The following NALF1 variants were observed in gnomAD, a reference collection of about 807,000 sequenced individuals.
NALF1 encodes the protein NALCN channel auxiliary factor 1.
NALF1 carries 3 observed loss-of-function variants against 48.4 expected under a neutral mutation model. The ratio of observed to expected loss-of-function variants is 0.06; its 90% CI spans 0.03 to 0.16. The LOEUF is 0.16. Ranked by LOEUF, NALF1 falls within the 10% of genes least tolerant of loss-of-function variation. NALF1 has a pLI of 1.00. For missense variants in NALF1, 526 were observed against 571.5 expected (o/e 0.92, Z 0.81); for synonymous variants, 262 against 245.7 (o/e 1.07, Z -0.62).
chr13:107,413,988 T>A (rs35757180), intron 1 of NALF1, among the ~76,000 whole-genome samples: 4 of 151,970 alleles, frequency 2.6e-5, no homozygotes, highest in African/African-American at 4.8e-5. Context: ...GGTTTCACCA[T>A]GTTGGCCAGG....
chr13:107,333,131 C>G (rs1463397464), intron 1 of NALF1, among the ~76,000 whole-genome samples: 1 of 152,168 alleles, frequency 6.6e-6, no homozygotes, highest in Non-Finnish European at 1.5e-5. Flanking sequence ...CAGGAGTAAG[C>G]CACTGTGCCC....
intron 1 of NALF1, among the ~76,000 whole-genome samples, chr13:107,389,539 G>T (rs1011661710): frequency 6.6e-6 from 1 of 152,052 alleles, no homozygotes; most frequent in Admixed American, 6.5e-5. Flanking sequence ...CAAATTTCTG[G>T]CCTCCAGAAA....
chr13:107,245,973 C>T (rs55889639), intron 1 of NALF1, among the ~76,000 whole-genome samples: 50,823 of 151,704 alleles, frequency 0.34, 8,765 homozygotes, highest in East Asian at 0.52. Flanking sequence ...GATAAGAGTA[C>T]ACTACCTTTC....
intron 1 of NALF1, among the ~76,000 whole-genome samples, chr13:107,353,950 T>A (rs1296006209): frequency 1.3e-5 from 2 of 152,196 alleles, no homozygotes; most frequent in Non-Finnish European, 2.9e-5. Flanking sequence ...TAATTCTAAA[T>A]GCTGAACATT....
chr13:107,548,919 T>C (rs1032179733), intron 1 of NALF1, among the ~76,000 whole-genome samples: 2 of 152,152 alleles, frequency 1.3e-5, no homozygotes, highest in Non-Finnish European at 2.9e-5. Flanking sequence ...TATTATGCAG[T>C]TTCTGGGTGA....
chr13:107,742,365 G>C (rs146984802), intron 1 of NALF1, among the ~76,000 whole-genome samples: 87 of 152,286 alleles, frequency 5.7e-4, no homozygotes, highest in African/African-American at 1.9e-3. Flanking sequence ...ATCTTGAATT[G>C]TAGTTCCCAT....
At position 107,577,831 on chromosome 13, in the gene NALF1, G is replaced by A. The variant is rs116116903; in HGVS notation, c.915+287851C>T. Reference sequence around the variant, plus strand: ...GTTCCATTTTCACCTCCCTGTGTACGTTCTGGTTCTTCCTCTTCCTTCATC... The same window carrying A: ...GTTCCATTTTCACCTCCCTGTGTACATTCTGGTTCTTCCTCTTCCTTCATC... On this transcript the variant is annotated intron_variant, in intron 1 of 2. Coordinates refer to ENST00000375915, the MANE Select transcript of NALF1 (RefSeq NM_001080396.3). Among the ~76,000 whole-genome samples, 635 of 152,176 alleles carry A rather than the reference G, an allele frequency of 4.2e-3. 4 individuals are homozygous for A. Among genetic ancestry groups the A allele is most frequent in the African/African-American group, 0.014 (569 of 41,518 alleles).
chr13:107,616,252 G>T (rs547773549), intron 1 of NALF1, among the ~76,000 whole-genome samples: 3 of 152,222 alleles, frequency 2.0e-5, no homozygotes, highest in African/African-American at 7.2e-5. Context: ...CTCACACAGC[G>T]TTTACGTTTA....
At chr13:107,865,197 C>T (rs1293674887) in intron 1 of NALF1, among the ~76,000 whole-genome samples, 2 of 152,226 alleles carry the variant, frequency 1.3e-5, no homozygotes, top group African/African-American at 4.8e-5. Flanking sequence ...GAAACAACTA[C>T]AACCACTTTC....
intron 1 of NALF1, among the ~76,000 whole-genome samples, chr13:107,803,867 G>C (rs374517376): frequency 5.3e-5 from 8 of 152,302 alleles, no homozygotes; most frequent in African/African-American, 1.9e-4. Context: ...CAGGTAAAAT[G>C]ACAGTGCCTG....
chr13:107,359,102 T>A (rs1345646094), intron 1 of NALF1, among the ~76,000 whole-genome samples: 1 of 152,108 alleles, frequency 6.6e-6, no homozygotes, highest in African/African-American at 2.4e-5. Flanking sequence ...AACATTCCCC[T>A]CCCTGAAATT....
chr13:107,586,478 T>C (rs1001896668), intron 1 of NALF1, among the ~76,000 whole-genome samples: 1 of 151,920 alleles, frequency 6.6e-6, no homozygotes, highest in African/African-American at 2.4e-5. Flanking sequence ...ACCATTCTGT[T>C]ATGAGTCCAT....
intron 1 of NALF1, among the ~76,000 whole-genome samples, chr13:107,392,392 T>A (rs1883642008): frequency 6.6e-6 from 1 of 152,098 alleles, no homozygotes; most frequent in African/African-American, 2.4e-5. Context: ...ACCCTCAATC[T>A]CTTCAGCTGC....
At chr13:107,301,502 CT>C (rs1240081268) in intron 1 of NALF1, among the ~76,000 whole-genome samples, 1 of 152,108 alleles carries the variant, frequency 6.6e-6, no homozygotes, top group Admixed American at 6.6e-5. Flanking sequence ...GCAAAACCTT[CT>C]GTTCTACATT....
chr13:107,674,543 A>G (rs1232726321), intron 1 of NALF1, among the ~76,000 whole-genome samples: 1 of 152,262 alleles, frequency 6.6e-6, no homozygotes, highest in African/African-American at 2.4e-5. Flanking sequence ...TTTTTCTTAA[A>G]TAGCATTTAT....
chr13:107,330,769 G>A (rs1360631569), intron 1 of NALF1, among the ~76,000 whole-genome samples: 3 of 152,154 alleles, frequency 2.0e-5, no homozygotes, highest in South Asian at 2.1e-4. Flanking sequence ...TTCCAAGTGC[G>A]ATCAGTCTAA....
intron 1 of NALF1, among the ~76,000 whole-genome samples, chr13:107,817,267 T>C (rs1311528880): frequency 1.3e-5 from 2 of 152,198 alleles, no homozygotes; most frequent in African/African-American, 2.4e-5. Flanking sequence ...TGCAGTATAC[T>C]TGAAATTGTG....
intron 1 of NALF1, among the ~76,000 whole-genome samples, chr13:107,351,490 G>A (rs1287609247): frequency 2.0e-5 from 3 of 152,196 alleles, no homozygotes; most frequent in South Asian, 2.1e-4. Context: ...TAGGACTGCA[G>A]TAATGCAGAT....
At chr13:107,861,921 A>G (rs953284982) in intron 1 of NALF1, among the ~76,000 whole-genome samples, 3 of 152,236 alleles carry the variant, frequency 2.0e-5, no homozygotes, top group Non-Finnish European at 2.9e-5. Context: ...GATGCAAATG[A>G]GAAAGCCCTG....
Sources: allele counts gnomAD v4.1 joint callset (sites outside exome capture counted in the v4.1 genomes callset), GRCh38; gene constraint gnomAD v4.1.1; transcripts MANE v1.5; gene names NCBI Gene and HGNC (gene_info 2026-07-23, HGNC 2026-07-21).